Variants in CHN1 observed in about 807,000 individuals in gnomAD.
CHN1 encodes the protein N-chimaerin.
Under a neutral mutation model 59.5 loss-of-function variants are expected in CHN1, and 37 were observed. The observed-to-expected ratio is 0.62, with a 90% CI of 0.48 to 0.82. The LOEUF is 0.82. Among genes scored for constraint, CHN1 ranks in the 40% least tolerant of loss-of-function variants. The pLI is 0.00. For synonymous variants in CHN1, 206 were observed against 200.4 expected (o/e 1.03, Z -0.24); for missense variants, 469 against 571.0 (o/e 0.82, Z 1.82).
intron 7 of CHN1, among the ~76,000 whole-genome samples, chr2:174,842,239 G>A (rs917680355): frequency 6.6e-6 from 1 of 152,178 alleles, no homozygotes; most frequent in Non-Finnish European, 1.5e-5. Context: ...ATGGAGGGAG[G>A]CAAGGTGGTG....
chr2:174,975,328 T>C (rs1690887317), intron 1 of CHN1, among the ~76,000 whole-genome samples: 1 of 152,202 alleles, frequency 6.6e-6, no homozygotes, highest in South Asian at 2.1e-4. Context: ...TACTAAAACA[T>C]TGAAAGAATA....
intron 5 of CHN1, among the ~76,000 whole-genome samples, chr2:174,897,693 A>G (rs1005859774): frequency 1.3e-5 from 2 of 152,154 alleles, no homozygotes; most frequent in Admixed American, 1.3e-4. Flanking sequence ...TCATAACTTG[A>G]TAGAAAACAC....
At chr2:174,856,062 G>A (rs1230115549) in intron 6 of CHN1, among the ~76,000 whole-genome samples, 3 of 151,992 alleles carry the variant, frequency 2.0e-5, no homozygotes, top group Non-Finnish European at 4.4e-5. Flanking sequence ...TTTTACTACT[G>A]CTGTATTTGA....
intron 10 of CHN1, among the ~76,000 whole-genome samples, chr2:174,809,354 A>T (rs1685002730): frequency 6.6e-6 from 1 of 152,186 alleles, no homozygotes; most frequent in East Asian, 1.9e-4. Flanking sequence ...GCCCTCCATG[A>T]GTGCAAGGAC....
chr2:174,892,143 C>T (rs1688072052), intron 5 of CHN1, among the ~76,000 whole-genome samples: 1 of 152,164 alleles, frequency 6.6e-6, no homozygotes, highest in Admixed American at 6.5e-5. Flanking sequence ...GACCAGATGG[C>T]TTCAGTGAAA....
At chr2:174,997,813 C>G (rs1327331079) in intron 1 of CHN1, among the ~76,000 whole-genome samples, 1 of 151,782 alleles carries the variant, frequency 6.6e-6, no homozygotes, top group Admixed American at 6.6e-5. Flanking sequence ...GGGAGGATCA[C>G]GAGGTCAGGA....
Position 174,800,135 on chromosome 2 carries a change from T to C in CHN1, c.1361A>G (p.Asn454Ser). 6.3e-7 allele frequency: 1 copy of C among 1,575,412 alleles called. No homozygotes were observed. The highest frequency in any genetic ancestry group is 8.6e-7 in the Non-Finnish European group (1 of 1,163,690). Residue 454 changes from asparagine (N) to serine (S), a missense_variant, in exon 13 of 13, where the codon AAC becomes AGC. Asn to Ser is a conservative substitution (Grantham distance 46). Coordinates refer to ENST00000409900, the MANE Select transcript of CHN1 (RefSeq NM_001822.7). ...QRLVVELLIK[N>S]EDILF is the part of the protein sequence containing the mutation. ...AAAAATTTAAAATAAAATGTCTTCG[T>C]TTTTGATAAGCAGCTCCACCACCAG...
intron 5 of CHN1, among the ~76,000 whole-genome samples, chr2:174,903,771 T>C (rs1193818470): frequency 6.6e-6 from 1 of 152,228 alleles, no homozygotes; most frequent in African/African-American, 2.4e-5. Flanking sequence ...AATGGGATTT[T>C]TGTTTAAATT....
chr2:174,918,514 T>C lies in CHN1; in HGVS notation c.146+20A>G, dbSNP rs760203278. On this transcript the variant is annotated intron_variant, in intron 4 of 12. Transcript: ENST00000409900. Reference sequence around the variant, plus strand: ...TACATATGCCAATCTATAAAACGTTTTCTAATAATCCATACTTACTCTCTT... The same window carrying C: ...TACATATGCCAATCTATAAAACGTTCTCTAATAATCCATACTTACTCTCTT... 1.9e-6 allele frequency: 3 copies of C among 1,568,312 alleles called. No individual in the cohort carries two copies. The East Asian group carries it at 6.9e-5, about 36-fold the overall frequency.
intron 7 of CHN1, among the ~76,000 whole-genome samples, chr2:174,825,316 T>G (rs2105403064): frequency 6.6e-6 from 1 of 152,328 alleles, no homozygotes; most frequent in Non-Finnish European, 1.5e-5. Context: ...AGGCCCAATT[T>G]CTGTTTAAAA....
chr2:174,885,223 C>T (rs992776304), intron 5 of CHN1, among the ~76,000 whole-genome samples: 1 of 150,446 alleles, frequency 6.6e-6, no homozygotes, highest in Non-Finnish European at 1.5e-5. Context: ...TGCAGTGAGT[C>T]AAGATCACGC....
At chr2:174,917,347 T>C (rs530245973) in intron 4 of CHN1, among the ~76,000 whole-genome samples, 79 of 151,710 alleles carry the variant, frequency 5.2e-4, no homozygotes, top group African/African-American at 1.9e-3. Context: ...GGCAGGAGAA[T>C]CGCTTGAACC....
At chr2:174,808,800 A>AG in intron 11 of CHN1, 105 bp downstream of exon 11, 1 of 1,228,732 alleles carries the variant, frequency 8.1e-7, no homozygotes, top group South Asian at 1.3e-5. Context: ...AGAGAGGCAA[A>AG]GGGGAAACAT....
chr2:174,884,265 C>A (rs1183811843), intron 5 of CHN1, among the ~76,000 whole-genome samples: 1 of 151,822 alleles, frequency 6.6e-6, no homozygotes, highest in Non-Finnish European at 1.5e-5. Context: ...GCCACCGAGC[C>A]CGGCCTGAAA....
chr2:174,862,621 GC>G (rs1687105092), intron 6 of CHN1, among the ~76,000 whole-genome samples: 1 of 152,170 alleles, frequency 6.6e-6, no homozygotes, highest in African/African-American at 2.4e-5. Context: ...GTGAGCCACT[GC>G]GCCTGGCCAT....
chr2:174,965,333 T>C (rs551495588), intron 1 of CHN1, among the ~76,000 whole-genome samples: 13 of 151,828 alleles, frequency 8.6e-5, no homozygotes, highest in African/African-American at 3.2e-4. Context: ...ATATAATCTA[T>C]ATCTTATGCA....
chr2:174,975,048 T>C (rs1193481328), intron 1 of CHN1, among the ~76,000 whole-genome samples: 1 of 152,140 alleles, frequency 6.6e-6, no homozygotes, highest in Admixed American at 6.6e-5. Flanking sequence ...TAACATTTTC[T>C]GAAAGCATAA....
chr2:174,889,213 G>C (rs1238757837), intron 5 of CHN1, among the ~76,000 whole-genome samples: 1 of 152,094 alleles, frequency 6.6e-6, no homozygotes. Context: ...TCTCTACACA[G>C]GTTAATTCAT....
chr2:174,975,733 G>A (rs1690903259), intron 1 of CHN1, among the ~76,000 whole-genome samples: 3 of 151,866 alleles, frequency 2.0e-5, no homozygotes, highest in Admixed American at 1.3e-4. Flanking sequence ...CCTGGAATCA[G>A]TATTTACATA....
Sources: allele counts gnomAD v4.1 joint callset (sites outside exome capture counted in the v4.1 genomes callset), GRCh38; gene constraint gnomAD v4.1.1; transcripts MANE v1.5; gene names NCBI Gene and HGNC (gene_info 2026-07-23, HGNC 2026-07-21).